Variants in ATM observed in about 807,000 individuals in gnomAD.
ATM encodes the protein serine-protein kinase ATM.
A neutral mutation model predicts 387.0 loss-of-function variants in ATM; 308 were observed. The ratio of observed to expected loss-of-function variants is 0.80; its 90% CI spans 0.73 to 0.87. The LOEUF is 0.87. Ranked by LOEUF, ATM falls within the 40% of genes least tolerant of loss-of-function variation. The pLI, the probability that ATM is intolerant of heterozygous loss-of-function variation, is 0.00. For synonymous variants in ATM, 1,156 were observed against 1,187.3 expected, an observed-to-expected ratio of 0.97 and a Z score of 0.54; for missense variants, 3,312 against 3,560.9, an observed-to-expected ratio of 0.93 and a Z score of 1.78.
intron 44 of ATM, among the ~76,000 whole-genome samples, chr11:108,320,735 T>TG (rs2085141324): frequency 6.6e-6 from 1 of 152,208 alleles, no homozygotes; most frequent in Non-Finnish European, 1.5e-5. Context: ...TTGAACCACT[T>TG]GGAGGTTAGG....
chr11:108,245,662 A>G (rs2079811830), intron 7 of ATM, among the ~76,000 whole-genome samples: 1 of 151,924 alleles, frequency 6.6e-6, no homozygotes, highest in Admixed American at 6.6e-5. Flanking sequence ...TAGGAACTTT[A>G]TTGGCTGGAA....
intron 61 of ATM, among the ~76,000 whole-genome samples, chr11:108,362,664 T>C (rs1416351316): frequency 2.7e-5 from 4 of 148,088 alleles, no homozygotes; most frequent in Admixed American, 6.7e-5. Flanking sequence ...ATGGATGAAA[T>C]TGGAAATCAT....
At chr11:108,274,537 T>TGA (rs2081819936) in intron 22 of ATM, among the ~76,000 whole-genome samples, 1 of 152,240 alleles carries the variant, frequency 6.6e-6, no homozygotes, top group African/African-American at 2.4e-5. Flanking sequence ...AACACTGCTT[T>TGA]AGCTGTGTCC....
intron 24 of ATM, 67 bp downstream of exon 24, chr11:108,281,235 A>G (rs2082217243): frequency 6.5e-7 from 1 of 1,545,038 alleles, no homozygotes; most frequent in African/African-American, 1.4e-5. Context: ...AAAAAGTTAA[A>G]GCTAGATTTT....
At chr11:108,363,461 C>T (rs563781464) in intron 61 of ATM, among the ~76,000 whole-genome samples, 1 of 152,314 alleles carries the variant, frequency 6.6e-6, no homozygotes, top group Non-Finnish European at 1.5e-5. Flanking sequence ...CCCTCTAACT[C>T]AGTGATGCTT....
intron 4 of ATM, among the ~76,000 whole-genome samples, chr11:108,234,943 A>ATGT (rs1310164118): frequency 6.6e-6 from 1 of 152,270 alleles, no homozygotes; most frequent in African/African-American, 2.4e-5. Context: ...TTGTAATCTT[A>ATGT]TGTTATTCTA....
intron 5 of ATM, chr11:108,236,060 T>C (rs1482122766): frequency 1.5e-5 from 8 of 535,256 alleles, no homozygotes; most frequent in South Asian, 4.1e-5. Flanking sequence ...AGAGCCGGAA[T>C]TACAGTTGAA....
intron 57 of ATM, among the ~76,000 whole-genome samples, chr11:108,344,384 A>G (rs1227936668): frequency 6.6e-6 from 1 of 152,240 alleles, no homozygotes; most frequent in Non-Finnish European, 1.5e-5. Flanking sequence ...GCAGGAAAAG[A>G]CAACATAAGC....
rs112807201 is a variant in ATM, at chr11:108,238,572, A to G, written c.496+2738A>G. 8.8e-3 allele frequency among the ~76,000 whole-genome samples: 1,343 copies of G among 152,280 alleles called. 24 individuals carry two copies. Among genetic ancestry groups the G allele is most frequent in the African/African-American group, 0.03 (1,267 of 41,568 alleles). ...AACATTTTGATTTTCAAATTGTTCA[A>G]TGCACAAAAATTATACAGAAGTCCA... On this transcript the variant is annotated intron_variant, in intron 5 of 62. Transcript: ENST00000675843.
chr11:108,332,305 A>C (rs1043701050), intron 52 of ATM, among the ~76,000 whole-genome samples: 59 of 152,102 alleles, frequency 3.9e-4, no homozygotes, highest in African/African-American at 1.4e-3. Flanking sequence ...GGTGGTGGGC[A>C]CCTGTAGTCC....
chr11:108,250,610 G>T (rs2135312044), intron 9 of ATM, 91 bp from the exon 10 acceptor site: 1 of 1,325,822 alleles, frequency 7.5e-7, no homozygotes, highest in Non-Finnish European at 1.1e-6. Context: ...CTCTAATTAG[G>T]ATATTGTAAG....
chr11:108,285,869 T>C (rs2082463683), intron 26 of ATM, among the ~76,000 whole-genome samples: 1 of 152,194 alleles, frequency 6.6e-6, no homozygotes, highest in South Asian at 2.1e-4. Context: ...TTCTTAATCT[T>C]ACTATTCTTT....
rs2136129335 is a variant in ATM at position 108,316,058 on chromosome 11, C to A, written c.6143C>A (p.Thr2048Lys). ...HEAMWGKALV[T>K]YDLETAIPSS... is the part of the protein sequence containing the mutation. ...GCAATGTGGGGCAAAGCCCTAGTAA[C>A]ATATGACCTCGAAACAGCAATCCCC... is the stretch of plus-strand genomic sequence containing the variant. Residue 2048 changes from threonine to lysine, a missense_variant, in exon 42 of 63, where the codon ACA (threonine) becomes AAA (lysine). Physicochemically the swap from Thr to Lys is moderately conservative, Grantham distance 78. Coordinates refer to ENST00000675843, the MANE Select transcript of ATM (RefSeq NM_000051.4). 6.2e-7 allele frequency: 1 copy of A among 1,614,144 alleles called. No individual in the cohort carries two copies. Among genetic ancestry groups the A allele is most frequent in the Non-Finnish European group, 8.5e-7 (1 of 1,180,014 alleles).
At chr11:108,258,469 A>G (rs1330116556) in intron 15 of ATM, among the ~76,000 whole-genome samples, 1 of 152,216 alleles carries the variant, frequency 6.6e-6, no homozygotes, top group African/African-American at 2.4e-5. Context: ...TAACTCCAGC[A>G]CATAGTTTAC....
chr11:108,251,115 C>T (rs375728238), intron 10 of ATM, 43 bp downstream of exon 10: 2 of 1,611,182 alleles, frequency 1.2e-6, no homozygotes, highest in African/African-American at 2.7e-5. Context: ...GATAAACACA[C>T]ACAGACACAC....
chr11:108,267,581 A>G (rs182099735), intron 17 of ATM, among the ~76,000 whole-genome samples: 23 of 152,218 alleles, frequency 1.5e-4, no homozygotes, highest in South Asian at 6.2e-4. Context: ...AAACCAGGCC[A>G]GGCATGGTGG....
chr11:108,272,416 A>C, intron 20 of ATM, 116 bp from the exon 21 acceptor site: 1 of 888,924 alleles, frequency 1.1e-6, no homozygotes, highest in Non-Finnish European at 1.8e-6. Flanking sequence ...CATAATGACA[A>C]ATAAGTTTAG....
Position 108,232,123 on chromosome 11 carries a change from A to G in ATM, c.331+2800A>G, listed in dbSNP as rs2079044065. On this transcript the variant is annotated intron_variant, in intron 4 of 62. Coordinates refer to ENST00000675843, the MANE Select transcript of ATM (RefSeq NM_000051.4). ...GCAGTGAACAAACCTTTTAATTGCA[A>G]CATTAACAATGGAGATTACGTTTGA... is the stretch of plus-strand genomic sequence containing the variant. Among the ~76,000 whole-genome samples, 2 of 152,382 alleles carry G rather than the reference A, an allele frequency of 1.3e-5. No homozygotes were observed. The highest frequency in any genetic ancestry group is 2.9e-5 in the Non-Finnish European group (2 of 68,044).
At chr11:108,234,229 T>C (rs1169518058) in intron 4 of ATM, among the ~76,000 whole-genome samples, 3 of 152,210 alleles carry the variant, frequency 2.0e-5, no homozygotes, top group Non-Finnish European at 4.4e-5. Flanking sequence ...GAAGATGATT[T>C]TGCAGTTATA....
Sources: allele counts gnomAD v4.1 joint callset (sites outside exome capture counted in the v4.1 genomes callset), GRCh38; gene constraint gnomAD v4.1.1; transcripts MANE v1.5; gene names NCBI Gene and HGNC (gene_info 2026-07-23, HGNC 2026-07-21).